HDAC9: variants seen among roughly 807,000 people sequenced by gnomAD.
HDAC9 encodes the protein MEF-2 interacting transcription repressor (MITR) protein.
A neutral mutation model predicts 139.4 loss-of-function variants in HDAC9; 41 were observed. The observed-to-expected ratio is 0.29, with a 90% CI of 0.23 to 0.38. HDAC9 has a LOEUF of 0.38. Ranked by LOEUF, HDAC9 falls within the 10% of genes least tolerant of loss-of-function variation. The probability of loss-of-function intolerance (pLI) is 1.00; values close to 1 mark genes in which losing one functional copy is unlikely to be tolerated. For synonymous variants in HDAC9, 517 were observed against 476.2 expected, an observed-to-expected ratio of 1.09 and a Z score of -1.12; for missense variants, 1,147 against 1,297.0, an observed-to-expected ratio of 0.88 and a Z score of 1.78.
At chr7:18,562,778 T>C (rs992539089) in intron 2 of HDAC9, among the ~76,000 whole-genome samples, 15 of 152,198 alleles carry the variant, frequency 9.9e-5, no homozygotes, top group Non-Finnish European at 2.9e-5. Context: ...GTATGTCAAT[T>C]GCCAGGAAAA....
At chr7:18,745,201 A>T (rs1787827993) in intron 13 of HDAC9, among the ~76,000 whole-genome samples, 1 of 152,208 alleles carries the variant, frequency 6.6e-6, no homozygotes, top group South Asian at 2.1e-4. Context: ...ATGAAGGATG[A>T]GGTTAAAGTT....
At chr7:18,626,204 G>A in intron 6 of HDAC9, among the ~76,000 whole-genome samples, 1 of 152,098 alleles carries the variant, frequency 6.6e-6, no homozygotes, top group Non-Finnish European at 1.5e-5. Context: ...CTGGAATAGT[G>A]GCTTCCAGAG....
intron 6 of HDAC9, among the ~76,000 whole-genome samples, chr7:18,614,887 G>T (rs964386155): frequency 1.3e-5 from 2 of 152,150 alleles, no homozygotes; most frequent in Non-Finnish European, 2.9e-5. Flanking sequence ...TAGTATTATG[G>T]AGTGTTTCAT....
intron 1 of HDAC9, among the ~76,000 whole-genome samples, chr7:18,336,102 T>C (rs1356250579): frequency 1.3e-5 from 2 of 151,676 alleles, no homozygotes; most frequent in Non-Finnish European, 3.0e-5. Flanking sequence ...AAATTTTTAC[T>C]CAAATGCTTG....
intron 1 of HDAC9, among the ~76,000 whole-genome samples, chr7:18,306,366 G>A (rs370028346): frequency 7.9e-5 from 12 of 152,292 alleles, no homozygotes; most frequent in African/African-American, 2.4e-4. Flanking sequence ...TACTGCAGTC[G>A]CAAAAGCAAG....
chr7:18,685,634 T>G (rs1276498039), intron 12 of HDAC9, among the ~76,000 whole-genome samples: 2 of 151,982 alleles, frequency 1.3e-5, no homozygotes, highest in African/African-American at 4.8e-5. Context: ...AAAAAAGATT[T>G]GTTCAGTGTT....
At chr7:18,684,838 A>T (rs1345173329) in intron 12 of HDAC9, among the ~76,000 whole-genome samples, 1 of 151,998 alleles carries the variant, frequency 6.6e-6, no homozygotes, top group Non-Finnish European at 1.5e-5. Flanking sequence ...TAATGGTGTC[A>T]TGGAAAACTC....
intron 22 of HDAC9, among the ~76,000 whole-genome samples, chr7:18,924,678 C>T (rs1804056696): frequency 6.6e-6 from 1 of 152,020 alleles, no homozygotes; most frequent in Non-Finnish European, 1.5e-5. Flanking sequence ...GATGAATGAT[C>T]ATCTGTTTGT....
intron 2 of HDAC9, among the ~76,000 whole-genome samples, chr7:18,254,652 A>T (rs907566298): frequency 1.1e-4 from 16 of 152,230 alleles, no homozygotes; most frequent in African/African-American, 3.6e-4. Flanking sequence ...GTTCAAAAAT[A>T]GCAGGTTATT....
At chr7:18,429,206 G>A (rs137971142) in intron 1 of HDAC9, 4 of 152,184 alleles carry the variant, frequency 2.6e-5, no homozygotes, top group Non-Finnish European at 4.4e-5. Flanking sequence ...TATTCCTAGC[G>A]CCTAGACCAA....
intron 1 of HDAC9, among the ~76,000 whole-genome samples, chr7:18,138,971 G>A (rs754974195): frequency 6.6e-5 from 10 of 152,042 alleles, no homozygotes; most frequent in Non-Finnish European, 1.5e-4. Context: ...AGCAGTTCTA[G>A]TAATCTTCCA....
intron 2 of HDAC9, among the ~76,000 whole-genome samples, chr7:18,229,918 G>A (rs902518833): frequency 1.3e-5 from 2 of 152,076 alleles, no homozygotes; most frequent in African/African-American, 4.8e-5. Context: ...ATATTTAACT[G>A]TTTCTACAAG....
intron 17 of HDAC9, among the ~76,000 whole-genome samples, chr7:18,815,674 A>C (rs1312151832): frequency 1.3e-5 from 2 of 151,572 alleles, no homozygotes; most frequent in Non-Finnish European, 2.9e-5. Context: ...CTGTCAACAA[A>C]CTCCCTCCTT....
In HDAC9 at chr7:18,193,772, G is replaced by A. The variant is rs935874819; in HGVS notation, c.25+31423G>A. Among the ~76,000 whole-genome samples, 12 of 151,986 alleles carry A rather than the reference G, an allele frequency of 7.9e-5. No homozygotes were observed. In the East Asian group the frequency reaches 2.3e-3, roughly 29 times the overall value. ...TTTTCTCTGACTACCTGAGAATTGA[G>A]GCAGCAGGGCCAAGGGGGCCGACTT... is the stretch of plus-strand genomic sequence containing the variant. On this transcript the variant is annotated intron_variant, in intron 2 of 12. Transcript: ENST00000417496.
At chr7:18,493,542 C>T (rs1796514272), upstream of HDAC9, among the ~76,000 whole-genome samples, 1 of 151,840 alleles carries the variant, frequency 6.6e-6, no homozygotes, top group Non-Finnish European at 1.5e-5. Flanking sequence ...TCCTTCGTTT[C>T]CTCATGAGTG....
chr7:18,188,650 GA>G (rs1272116483), intron 2 of HDAC9, among the ~76,000 whole-genome samples: 2 of 152,046 alleles, frequency 1.3e-5, no homozygotes, highest in African/African-American at 4.8e-5. Context: ...ATATTTACAA[GA>G]AAAAGACAAC....
At chr7:18,411,299 G>T (rs1199037125) in intron 1 of HDAC9, among the ~76,000 whole-genome samples, 1 of 152,158 alleles carries the variant, frequency 6.6e-6, no homozygotes, top group African/African-American at 2.4e-5. Context: ...ACCTTCAGCA[G>T]AAATCAAACT....
intron 14 of HDAC9, among the ~76,000 whole-genome samples, chr7:18,761,129 C>T (rs890802893): frequency 1.3e-5 from 2 of 152,344 alleles, no homozygotes; most frequent in South Asian, 2.1e-4. Context: ...CTCTGTAATA[C>T]TAGAAAGCAC....
At chr7:18,392,395 A>AGATG (rs1160691024) in intron 1 of HDAC9, among the ~76,000 whole-genome samples, 253 of 121,454 alleles carry the variant, frequency 2.1e-3, no homozygotes, top group African/African-American at 7.5e-3. Context: ...ATGGATAGAT[A>AGATG]GATGGATAGA....
Sources: allele counts gnomAD v4.1 joint callset (sites outside exome capture counted in the v4.1 genomes callset), GRCh38; gene constraint gnomAD v4.1.1; transcripts MANE v1.5; gene names NCBI Gene and HGNC (gene_info 2026-07-23, HGNC 2026-07-21).